Variants in SLC51B observed in about 807,000 individuals in gnomAD.
SLC51B encodes SLC51 subunit beta.
A neutral mutation model predicts 8.0 loss-of-function variants in SLC51B; 6 were observed. The observed-to-expected ratio is 0.75, with a 90% CI of 0.41 to 1.48. SLC51B has a LOEUF of 1.48. Ranked by LOEUF, SLC51B falls within the 40% of genes most tolerant of loss-of-function variation. The pLI, the probability that SLC51B is intolerant of heterozygous loss-of-function variation, is 0.01. For synonymous variants in SLC51B, 61 were observed against 54.8 expected, an observed-to-expected ratio of 1.11 and a Z score of -0.50; for missense variants, 150 against 149.7, an observed-to-expected ratio of 1.00 and a Z score of -0.01.
In SLC51B at chr15:65,051,607, T is replaced by C; in HGVS notation, c.188+2T>C. ...GGGAAGAAGCATCCAGGCAAGCAGG[T>C]GAGGAGCTGGTCCTGGGGGGATGGG... On this transcript the variant is annotated splice_donor_variant, in intron 3 of 3. Coordinates refer to ENST00000334287, the MANE Select transcript of SLC51B (RefSeq NM_178859.4). LOFTEE classifies it high-confidence loss of function. 1 of 1,612,762 alleles carries C rather than the reference T, an allele frequency of 6.2e-7. No individual in the cohort carries two copies. The highest frequency in any genetic ancestry group is 8.5e-7 in the Non-Finnish European group (1 of 1,179,308).
chr15:65,050,804 TCTTTC>T (rs1242552330), intron 2 of SLC51B, among the ~76,000 whole-genome samples: 1 of 150,700 alleles, frequency 6.6e-6, no homozygotes, highest in Non-Finnish European at 1.5e-5. Context: ...CTGCCTTCTT[TCTTTC>T]CTTTTTTTTT....
intron 3 of SLC51B, among the ~76,000 whole-genome samples, chr15:65,052,469 C>T (rs550790277): frequency 3.5e-5 from 5 of 143,034 alleles, no homozygotes; most frequent in South Asian, 2.2e-4. Flanking sequence ...GGCACAATCT[C>T]GGCTCACTGC....
In SLC51B at chr15:65,053,031, A is replaced by G; in HGVS notation, c.254A>G (p.Asp85Gly). The change falls in exon 4 of 4, where the codon GAT becomes GGT. Residue 85 changes from aspartate (D) to glycine (G), a missense_variant. Physicochemically the swap from Asp to Gly is moderately conservative, Grantham distance 94. Coordinates refer to ENST00000334287, the MANE Select transcript of SLC51B (RefSeq NM_178859.4). ...GTCCTGCATTTGGATGAGGCCAAGG[A>G]TCACAACAGCCTAAACAACCTAAGA... ...PEVLHLDEAK[D>G]HNSLNNLRET... 1 of 1,614,030 alleles carries G rather than the reference A, an allele frequency of 6.2e-7. No individual in the cohort carries two copies. Among genetic ancestry groups the G allele is most frequent in the Non-Finnish European group, 8.5e-7 (1 of 1,180,006 alleles).
intron 1 of SLC51B, among the ~76,000 whole-genome samples, chr15:65,046,226 G>A (rs1351770201): frequency 4.6e-5 from 7 of 152,236 alleles, no homozygotes; most frequent in Admixed American, 2.0e-4. Context: ...ACTTGAACTC[G>A]GGAGGCGGAG....
At chr15:65,052,727 T>C (rs1231065005) in intron 3 of SLC51B, among the ~76,000 whole-genome samples, 2 of 152,012 alleles carry the variant, frequency 1.3e-5, no homozygotes, top group African/African-American at 2.4e-5. Context: ...ACTTGGAAGG[T>C]GCGGGGGTGG....
At chr15:65,050,834 T>A (rs2086641579) in intron 2 of SLC51B, among the ~76,000 whole-genome samples, 1 of 13,086 alleles carries the variant, frequency 7.6e-5, no homozygotes, top group South Asian at 6.8e-3. Flanking sequence ...CTTCTTCTTC[T>A]TCTTTTTTTT....
In SLC51B at chr15:65,053,063, T is replaced by A. The variant is rs777264075; in HGVS notation, c.286T>A (p.Leu96Met). 5 of 1,613,962 alleles carry A rather than the reference T, an allele frequency of 3.1e-6. No homozygotes were observed. The highest frequency in any genetic ancestry group is 4.2e-6 in the Non-Finnish European group (5 of 1,180,012). The change falls in exon 4 of 4, where the codon TTG becomes ATG. Residue 96 changes from leucine to methionine, a missense_variant. Physicochemically the swap from Leu to Met is conservative, Grantham distance 15. Transcript: ENST00000334287. ...HNSLNNLRET[L>M]LSEKPNLAQV... ...CAGCCTAAACAACCTAAGAGAAACT[T>A]TGCTCTCAGAAAAGCCAAACTTGGC...
At position 65,050,049 on chromosome 15, in the gene SLC51B, G is replaced by A; in HGVS notation, c.45G>A (p.Val15=). The A allele has an allele frequency of 1.3e-6, 2 of 1,551,816 alleles. No individual in the cohort carries two copies. The highest frequency in any genetic ancestry group is 1.7e-4 in the Middle Eastern group (1 of 5,992). ...CTCCCGGAGACCCAGCCGGTACTGT[G>A]GTACCCCAGGAGCTGCTGGAAGAGA... ...EGAPGDPAGT[V]VPQELLEEML... The change falls in exon 2 of 4, where the codon GTG becomes GTA. Residue 15 remains valine, a synonymous_variant. Transcript: ENST00000334287.
intron 1 of SLC51B, among the ~76,000 whole-genome samples, chr15:65,048,304 G>T (rs2086604036): frequency 6.6e-6 from 1 of 151,952 alleles, no homozygotes; most frequent in African/African-American, 2.4e-5. Context: ...TATTGTATTT[G>T]TGTCAAAATA....
rs2086673159 is a variant in SLC51B, at chr15:65,052,883, T to C, written c.189-83T>C. ...CAAACTGCATAGAGAATTTTCCCCT[T>C]AGACTCTTTAAGCCATTTGGGCGAC... On this transcript the variant is annotated intron_variant, in intron 3 of 3. Coordinates refer to ENST00000334287, the MANE Select transcript of SLC51B (RefSeq NM_178859.4). 8 of 1,319,972 alleles carry C rather than the reference T, an allele frequency of 6.1e-6. No individual in the cohort carries two copies. The South Asian group carries it at 7.7e-5, about 13-fold the overall frequency. 81.8% of individuals were successfully genotyped at this position (1,319,972 alleles called of 1,614,324 possible).
intron 1 of SLC51B, among the ~76,000 whole-genome samples, chr15:65,047,508 A>G (rs986528734): frequency 2.0e-5 from 3 of 152,116 alleles, no homozygotes; most frequent in African/African-American, 7.2e-5. Context: ...CTCATCCCAC[A>G]CCCTAGAAGA....
intron 1 of SLC51B, 97 bp from the exon 2 acceptor site, chr15:65,049,800 G>T: frequency 4.7e-3 from 1,593 of 338,970 alleles, no homozygotes; most frequent in Middle Eastern, 9.5e-3. Context: ...GGTCGTTTTT[G>T]TCCCATAACT....
intron 1 of SLC51B, among the ~76,000 whole-genome samples, chr15:65,047,606 T>C (rs1390676471): frequency 6.6e-6 from 1 of 152,180 alleles, no homozygotes; most frequent in Non-Finnish European, 1.5e-5. Context: ...CTGATGTTAC[T>C]AATCAATCCA....
Position 65,053,308 on chromosome 15 carries a change from A to T in SLC51B, c.*144A>T. On this transcript the variant is annotated 3_prime_UTR_variant, in exon 4 of 4. Transcript: ENST00000334287. Reference sequence around the variant, plus strand: ...TTTCTTTTTTTTTTTCTTAGCAGATACAATGAATGAACTGCAAGCAAACTA... The same window carrying T: ...TTTCTTTTTTTTTTTCTTAGCAGATTCAATGAATGAACTGCAAGCAAACTA... 1 of 1,427,452 alleles carries T rather than the reference A, an allele frequency of 7.0e-7. No homozygotes were observed. The highest frequency in any genetic ancestry group is 9.1e-7 in the Non-Finnish European group (1 of 1,097,232). The allele number at this position is 1,427,452 out of a possible 1,614,324, so 88.4% of individuals were successfully genotyped here. A position where few individuals can be genotyped will look rare whatever the true frequency, so the allele number is the denominator to read the frequency against.
chr15:65,053,223 G>A lies in SLC51B; in HGVS notation c.*59G>A. On this transcript the variant is annotated 3_prime_UTR_variant, in exon 4 of 4. Transcript: ENST00000334287. ...CACATGATGTGGGCTCAGCTCAGTG[G>A]CCTGAAACCTCTCAGGTTTTAGAGT... 2 of 1,576,282 alleles carry A rather than the reference G, an allele frequency of 1.3e-6. No homozygotes were observed.
chr15:65,052,909 C>T, intron 3 of SLC51B, 57 bp from the exon 4 acceptor site: 4 of 1,559,834 alleles, frequency 2.6e-6, no homozygotes, highest in South Asian at 1.2e-5. Flanking sequence ...TTTGGGCGAC[C>T]CAGTCCTGCC....
Position 65,049,237 on chromosome 15 carries a change from T to C in SLC51B, c.-108-660T>C, listed in dbSNP as rs964617608. ...TTATTATTAATAGTTGGGATGGAAA[T>C]AGGCCTACACGAAGTAAGGGATTTA... On this transcript the variant is annotated intron_variant, in intron 1 of 3. Transcript: ENST00000334287. The C allele has an allele frequency of 2.0e-5, 3 of 149,796 alleles. No individual in the cohort carries two copies. In the Admixed American group the frequency reaches 2.0e-4, roughly 10 times the overall value. 9.3% of individuals were successfully genotyped at this position (149,796 alleles called of 1,614,324 possible).
At chr15:65,051,884 C>T (rs1050086547) in intron 3 of SLC51B, among the ~76,000 whole-genome samples, 3 of 152,192 alleles carry the variant, frequency 2.0e-5, no homozygotes, top group African/African-American at 7.2e-5. Context: ...CGAGCTTGCC[C>T]CTCTCACCCT....
At chr15:65,047,818 T>TAGAC (rs964094595) in intron 1 of SLC51B, among the ~76,000 whole-genome samples, 2 of 152,024 alleles carry the variant, frequency 1.3e-5, no homozygotes, top group African/African-American at 4.8e-5. Flanking sequence ...GATAGATAGA[T>TAGAC]AGATAGATAG....
Sources: gnomAD v4.1 joint callset for allele counts (sites outside exome capture counted in the v4.1 genomes callset) on GRCh38, gnomAD v4.1.1 for gene constraint, MANE v1.5 for transcripts, NCBI Gene and HGNC (gene_info 2026-07-23, HGNC 2026-07-21) for gene names.